Variants in PGAP1 observed in about 807,000 individuals in gnomAD.
PGAP1 encodes GPI inositol-deacylase.
PGAP1 carries 76 observed loss-of-function variants against 127.0 expected under a neutral mutation model. The ratio of observed to expected loss-of-function variants is 0.60; its 90% CI spans 0.50 to 0.72. The LOEUF is 0.72. Among genes scored for constraint, PGAP1 ranks in the 30% least tolerant of loss-of-function variants. PGAP1 has a pLI of 0.00. For synonymous variants in PGAP1, 362 were observed against 366.5 expected (o/e 0.99, Z 0.14); for missense variants, 982 against 1,071.3 (o/e 0.92, Z 1.16).
At position 196,900,771 on chromosome 2, in the gene PGAP1, A is replaced by T. The variant is rs571566126; in HGVS notation, c.807+1814T>A. On this transcript the variant is annotated intron_variant, in intron 5 of 26. Coordinates refer to ENST00000354764, the MANE Select transcript of PGAP1 (RefSeq NM_024989.4). ...AAACCCCATCTCTACTAAAAATACA[A>T]AAAAAATTAGCTGGGCATGGTGGCG... Among the ~76,000 whole-genome samples, 5 of 151,992 alleles carry T rather than the reference A, an allele frequency of 3.3e-5. No individual in the cohort carries two copies. The East Asian group carries it at 9.7e-4, about 30-fold the overall frequency.
intron 12 of PGAP1, among the ~76,000 whole-genome samples, chr2:196,880,933 A>G (rs370862677): frequency 5.6e-4 from 85 of 152,264 alleles, no homozygotes; most frequent in South Asian, 3.9e-3. Flanking sequence ...AACTTGTGTC[A>G]TGGGGGTTTG....
intron 5 of PGAP1, among the ~76,000 whole-genome samples, chr2:196,902,038 GAGTC>G (rs1338575178): frequency 4.0e-5 from 6 of 151,880 alleles, no homozygotes; most frequent in Admixed American, 2.0e-4. Flanking sequence ...GTTTGTTTTT[GAGTC>G]AGAGTCTTGT....
chr2:196,858,183 C>T (rs1337017149), intron 20 of PGAP1, among the ~76,000 whole-genome samples: 13 of 151,914 alleles, frequency 8.6e-5, no homozygotes, highest in Admixed American at 1.3e-4. Context: ...GGGCAGATCA[C>T]GAGGTCAGGA....
intron 13 of PGAP1, among the ~76,000 whole-genome samples, chr2:196,876,816 C>T (rs1403484237): frequency 1.3e-5 from 2 of 151,886 alleles, no homozygotes; most frequent in African/African-American, 4.8e-5. Context: ...AGGGAAATTG[C>T]TATTAGATTA....
At chr2:196,863,411 C>T (rs1701130275) in intron 20 of PGAP1, among the ~76,000 whole-genome samples, 1 of 152,140 alleles carries the variant, frequency 6.6e-6, no homozygotes, top group South Asian at 2.1e-4. Context: ...GAAATTCTAT[C>T]ATCTGCAGCA....
Position 196,867,787 on chromosome 2 carries a change from A to T in PGAP1, c.1768-2707T>A, listed in dbSNP as rs149089905. Reference sequence around the variant, plus strand: ...AAGCTTACTATAAAAGTTGCAGAAAATTTCAGAAAATTCAGGGTCTCCCTA... The same window carrying T: ...AAGCTTACTATAAAAGTTGCAGAAATTTTCAGAAAATTCAGGGTCTCCCTA... On this transcript the variant is annotated intron_variant, in intron 19 of 26. Transcript: ENST00000354764. Among the ~76,000 whole-genome samples, 620 of 152,286 alleles carry T rather than the reference A, an allele frequency of 4.1e-3. 4 individuals carry two copies. Among genetic ancestry groups the T allele is most frequent in the African/African-American group, 0.014 (576 of 41,556 alleles).
At chr2:196,893,881 C>T (rs980336278) in intron 7 of PGAP1, among the ~76,000 whole-genome samples, 20 of 152,292 alleles carry the variant, frequency 1.3e-4, no homozygotes, top group East Asian at 7.7e-4. Flanking sequence ...TTGGTATTGA[C>T]CATTATTCAA....
At chr2:196,884,748 C>G (rs1366269222) in intron 12 of PGAP1, among the ~76,000 whole-genome samples, 3 of 152,132 alleles carry the variant, frequency 2.0e-5, no homozygotes, top group Non-Finnish European at 4.4e-5. Context: ...TACTTGAAGA[C>G]TGAAAACTAT....
At chr2:196,914,847 T>C in intron 3 of PGAP1, among the ~76,000 whole-genome samples, 1 of 148,748 alleles carries the variant, frequency 6.7e-6, no homozygotes. Context: ...AGGGTCTCAC[T>C]CTGTCACCCA....
At chr2:196,881,205 CT>C (rs1482937841) in intron 12 of PGAP1, among the ~76,000 whole-genome samples, 1 of 152,110 alleles carries the variant, frequency 6.6e-6, no homozygotes, top group East Asian at 1.9e-4. Flanking sequence ...TGATCTCATT[CT>C]TTTTTATGGC....
intron 23 of PGAP1, among the ~76,000 whole-genome samples, chr2:196,845,506 G>A (rs961225874): frequency 2.0e-5 from 3 of 150,726 alleles, no homozygotes; most frequent in Admixed American, 6.6e-5. Flanking sequence ...TTAATAGCTT[G>A]ATCCTACTGA....
chr2:196,845,677 C>CA (rs1700536814), intron 23 of PGAP1, among the ~76,000 whole-genome samples: 1 of 151,192 alleles, frequency 6.6e-6, no homozygotes, highest in African/African-American at 2.4e-5. Context: ...TTTTTAACAA[C>CA]AAAAAAACCC....
rs1376835604 is a variant in PGAP1, at chr2:196,834,779, C to T, written c.*6455G>A. ...ATAGAAAGCATGATTATGTTAAATA[C>T]AGGCATCTCCTACTTAGAATACAAT... On this transcript the variant is annotated 3_prime_UTR_variant, in exon 27 of 27. Transcript: ENST00000354764. 2.6e-5 allele frequency: 4 copies of T among 151,856 alleles called. No individual in the cohort carries two copies. Among genetic ancestry groups the T allele is most frequent in the Non-Finnish European group, 5.9e-5 (4 of 67,838 alleles). 9.4% of individuals were successfully genotyped at this position (151,856 alleles called of 1,614,324 possible).
At chr2:196,894,941 T>C (rs1283861237) in intron 7 of PGAP1, among the ~76,000 whole-genome samples, 1 of 152,210 alleles carries the variant, frequency 6.6e-6, no homozygotes, top group East Asian at 1.9e-4. Flanking sequence ...TTACTCTGAT[T>C]CCTGCCTTAT....
intron 21 of PGAP1, 138 bp from the exon 22 acceptor site, chr2:196,847,338 T>A: frequency 1.6e-6 from 1 of 623,288 alleles, no homozygotes; most frequent in South Asian, 2.4e-5. Context: ...AAAAACAAAT[T>A]TTTAATTCTT....
intron 19 of PGAP1, 104 bp from the exon 20 acceptor site, chr2:196,865,184 C>T (rs1373254198): frequency 1.7e-6 from 1 of 601,242 alleles, no homozygotes; most frequent in East Asian, 3.3e-5. Flanking sequence ...CCTGACATGG[C>T]TACAAAGATA....
intron 15 of PGAP1, 24 bp from the exon 16 acceptor site, chr2:196,873,603 C>T (rs1358782072): frequency 1.2e-6 from 2 of 1,605,958 alleles, no homozygotes; most frequent in Admixed American, 3.4e-5. Flanking sequence ...ACCACAAAAA[C>T]AAAATATAAA....
At chr2:196,845,619 G>A (rs1455364633) in intron 23 of PGAP1, among the ~76,000 whole-genome samples, 1 of 150,558 alleles carries the variant, frequency 6.6e-6, no homozygotes, top group Non-Finnish European at 1.5e-5. Flanking sequence ...CACTTGTAAA[G>A]ACTAAGAAGC....
rs773874771 is a variant in PGAP1 at position 196,880,086 on chromosome 2, C to A, written c.1340G>T (p.Arg447Leu). The change falls in exon 13 of 27, where the codon CGT becomes CTT. Residue 447 changes from arginine (R) to leucine (L), a missense_variant. Physicochemically the swap from Arg to Leu is moderately radical, Grantham distance 102. Transcript: ENST00000354764. ...SHLVVYVPSVRGSKFVVDCEF... is the reference protein window; with the variant it reads ...SHLVVYVPSVLGSKFVVDCEF... ...TAACCCACTTGTTACCTTACTTCCA[C>A]GAACAGATGGTACATAAACAACAAG... The A allele has an allele frequency of 6.2e-7, 1 of 1,602,958 alleles. No individual in the cohort carries two copies. The highest frequency in any genetic ancestry group is 1.3e-5 in the African/African-American group (1 of 74,302).
Sources: gnomAD v4.1 joint callset for allele counts (sites outside exome capture counted in the v4.1 genomes callset) on GRCh38, gnomAD v4.1.1 for gene constraint, MANE v1.5 for transcripts, NCBI Gene and HGNC (gene_info 2026-07-23, HGNC 2026-07-21) for gene names.